Variants in KIRREL3 observed in about 807,000 individuals in gnomAD.
KIRREL3 encodes kirre like nephrin family adhesion molecule 3.
Under a neutral mutation model 89.7 loss-of-function variants are expected in KIRREL3, and 36 were observed. That is an observed-to-expected ratio of 0.40 (90% CI 0.31 to 0.53). The LOEUF is 0.53. Among genes scored for constraint, KIRREL3 ranks in the 20% least tolerant of loss-of-function variants. The probability of loss-of-function intolerance (pLI) is 0.49; values close to 1 mark genes in which losing one functional copy is unlikely to be tolerated. For missense variants in KIRREL3, 864 were observed against 1,056.6 expected (o/e 0.82, Z 2.53); for synonymous variants, 445 against 441.4 (o/e 1.01, Z -0.10).
intron 4 of KIRREL3, among the ~76,000 whole-genome samples, chr11:126,506,039 A>G (rs577230808): frequency 1.4e-4 from 21 of 152,250 alleles, no homozygotes; most frequent in African/African-American, 5.1e-4. Context: ...GTCTTTTTAA[A>G]CAAATGATGT....
intron 7 of KIRREL3, among the ~76,000 whole-genome samples, chr11:126,451,056 T>C (rs1956089542): frequency 7.4e-6 from 1 of 135,904 alleles, no homozygotes; most frequent in South Asian, 2.3e-4. Flanking sequence ...CATGTGCATG[T>C]GTGCATGCAT....
intron 4 of KIRREL3, among the ~76,000 whole-genome samples, chr11:126,502,562 T>A (rs530980879): frequency 1.3e-5 from 2 of 152,360 alleles, no homozygotes; most frequent in South Asian, 4.1e-4. Context: ...CTCTTCCTTT[T>A]TCTCTTTTGG....
chr11:126,964,494 C>T (rs533386270), intron 1 of KIRREL3, among the ~76,000 whole-genome samples: 2 of 152,260 alleles, frequency 1.3e-5, no homozygotes, highest in East Asian at 1.9e-4. Context: ...TAGAACCCCT[C>T]CTCCAAAGAA....
At chr11:126,661,311 T>G (rs1945392527) in intron 1 of KIRREL3, among the ~76,000 whole-genome samples, 1 of 152,184 alleles carries the variant, frequency 6.6e-6, no homozygotes, top group Non-Finnish European at 1.5e-5. Context: ...AGAGAACAGA[T>G]ACTATTGTCA....
intron 1 of KIRREL3, among the ~76,000 whole-genome samples, chr11:126,692,096 T>A (rs1946898120): frequency 6.6e-6 from 1 of 152,200 alleles, no homozygotes; most frequent in Non-Finnish European, 1.5e-5. Flanking sequence ...GCAACTGCTA[T>A]GGATAACACA....
In KIRREL3 at chr11:126,441,822, G is replaced by C. The variant is rs1169226288; in HGVS notation, c.1253-1273C>G. On this transcript the variant is annotated intron_variant, in intron 10 of 16. Transcript: ENST00000525144. This position sits in a 1 kb window ranked among gnomAD's most constrained non-coding sequence, Gnocchi z 5.0. The stretch of plus-strand genomic sequence containing the variant: ...GGGGCAGCGTGAGGTGGGCGTGGGG[G>C]ACCCTCCATGGCTTTAAGAATGGGC... Among the ~76,000 whole-genome samples the C allele has an allele frequency of 6.6e-6, 1 of 152,156 alleles. No individual in the cohort carries two copies. Among genetic ancestry groups the C allele is most frequent in the Non-Finnish European group, 1.5e-5 (1 of 68,024 alleles).
intron 4 of KIRREL3, among the ~76,000 whole-genome samples, chr11:126,505,431 C>T (rs144662774): frequency 2.4e-3 from 358 of 152,100 alleles, no homozygotes; most frequent in African/African-American, 8.2e-3. Flanking sequence ...ATTAGCCAGG[C>T]GTGGTGGTGG....
intron 2 of KIRREL3, among the ~76,000 whole-genome samples, chr11:126,534,279 G>A (rs1307774935): frequency 2.0e-5 from 3 of 152,044 alleles, no homozygotes; most frequent in Admixed American, 6.6e-5. Flanking sequence ...GGTAGGGGGC[G>A]TCTCCCGGGC....
chr11:126,842,519 T>C (rs1291692177), intron 1 of KIRREL3, among the ~76,000 whole-genome samples: 1 of 152,182 alleles, frequency 6.6e-6, no homozygotes. Flanking sequence ...CCTCTTCTTT[T>C]TCAGACTAAG....
intron 1 of KIRREL3, among the ~76,000 whole-genome samples, chr11:126,850,546 C>T (rs896049602): frequency 3.3e-5 from 5 of 152,210 alleles, no homozygotes; most frequent in African/African-American, 1.2e-4. Context: ...TTTTTTAACA[C>T]TTTGCTTCAG....
rs139776786 is a variant in KIRREL3, at chr11:126,735,021, C to A, written c.56-172109G>T. On this transcript the variant is annotated intron_variant, in intron 1 of 16. Transcript: ENST00000525144. ...TTTGGCAGGGAGGCTCATAACGGGG[C>A]GTTTACCCATCCTCAGAAAGCAAGG... Among the ~76,000 whole-genome samples, 110 of 152,242 alleles carry A rather than the reference C, an allele frequency of 7.2e-4. 1 individual carries two copies. Among genetic ancestry groups the A allele is most frequent in the African/African-American group, 2.3e-3 (94 of 41,528 alleles).
chr11:126,929,922 T>C (rs1454964194), intron 1 of KIRREL3, among the ~76,000 whole-genome samples: 2 of 144,086 alleles, frequency 1.4e-5, no homozygotes, highest in African/African-American at 5.3e-5. Flanking sequence ...GAGCTCATAA[T>C]TGCATCAGAG....
Position 126,423,482 on chromosome 11 carries a change from C to T in KIRREL3, c.*1098G>A, listed in dbSNP as rs1481606327. On this transcript the variant is annotated 3_prime_UTR_variant, in exon 17 of 17. Coordinates refer to ENST00000525144, the MANE Select transcript of KIRREL3 (RefSeq NM_032531.4). ...CTGTGGCTTTGTAGGAACAAAAGAA[C>T]AGAACAAACATGTTGGAGTAGTGTC... 6.6e-6 allele frequency: 1 copy of T among 152,146 alleles called. No individual in the cohort carries two copies. Among genetic ancestry groups the T allele is most frequent in the Non-Finnish European group, 1.5e-5 (1 of 68,018 alleles). The allele number at this position is 152,146 out of a possible 1,614,324, so 9.4% of individuals were successfully genotyped here. A position where few individuals can be genotyped will look rare whatever the true frequency, so the allele number is the denominator to read the frequency against.
chr11:126,634,313 C>A (rs1944175343), intron 1 of KIRREL3, among the ~76,000 whole-genome samples: 1 of 152,244 alleles, frequency 6.6e-6, no homozygotes, highest in Non-Finnish European at 1.5e-5. Flanking sequence ...ACTTTCCATG[C>A]ATTCATGCAG....
In KIRREL3 at chr11:126,900,711, C is replaced by T. The variant is rs1334923586; in HGVS notation, c.55+99744G>A. ...TGCCGTGATCTTGTTAAAATCTTTC[C>T]TGTAATGATATTTAAGTGATGGGCA... On this transcript the variant is annotated intron_variant, in intron 1 of 16. Coordinates refer to ENST00000525144, the MANE Select transcript of KIRREL3 (RefSeq NM_032531.4). This position sits in a 1 kb window ranked among gnomAD's most constrained non-coding sequence, Gnocchi z 4.4. Among the ~76,000 whole-genome samples the T allele has an allele frequency of 6.6e-6, 1 of 152,132 alleles. No individual in the cohort carries two copies. Among genetic ancestry groups the T allele is most frequent in the East Asian group, 1.9e-4 (1 of 5,194 alleles).
intron 1 of KIRREL3, among the ~76,000 whole-genome samples, chr11:126,964,879 C>T (rs1337717874): frequency 7.9e-5 from 12 of 152,110 alleles, no homozygotes; most frequent in East Asian, 1.9e-4. Context: ...AGACTCAGTT[C>T]GAAAATGAAT....
chr11:126,436,099 T>C (rs913568944), intron 12 of KIRREL3, among the ~76,000 whole-genome samples: 6 of 152,184 alleles, frequency 3.9e-5, no homozygotes, highest in African/African-American at 1.2e-4. Flanking sequence ...CTGAGCCTCT[T>C]TGACCAGGAG....
At chr11:126,437,058 G>T in intron 11 of KIRREL3, 49 bp from the exon 12 acceptor site, 1 of 1,451,130 alleles carries the variant, frequency 6.9e-7, no homozygotes, top group Non-Finnish European at 9.2e-7. Flanking sequence ...AGGGGCCCAG[G>T]ACACGCCCAC....
At chr11:126,925,309 A>G (rs147400671) in intron 1 of KIRREL3, among the ~76,000 whole-genome samples, 174 of 152,322 alleles carry the variant, frequency 1.1e-3, no homozygotes, top group African/African-American at 3.5e-3. Flanking sequence ...CGCATGAGGC[A>G]GCCTGGTGGC....
Sources: gnomAD v4.1 joint callset for allele counts (sites outside exome capture counted in the v4.1 genomes callset) on GRCh38, gnomAD v4.1.1 for gene constraint, Gnocchi (gnomAD v3.1) non-coding constraint, MANE v1.5 for transcripts, NCBI Gene and HGNC (gene_info 2026-07-23, HGNC 2026-07-21) for gene names.